Variants in LOC131768270 observed in about 807,000 individuals in gnomAD.
At chr5:140,565,327 C>T in the LOC131768270 span, 3 of 161,702 alleles carry the variant, frequency 1.9e-5, no homozygotes, top group African/African-American at 4.8e-5. Flanking sequence ...CATTCTCAGT[C>T]ACATCCAGTC....
At chr5:140,564,970 G>T in the LOC131768270 span, 1 of 399,438 alleles carries the variant, frequency 2.5e-6, no homozygotes, top group African/African-American at 2.1e-5. This position sits in a 1 kb window ranked among gnomAD's most constrained non-coding sequence, Gnocchi z 5.0. Context: ...GATGTCCCTT[G>T]TTTCTTCTGC....
the LOC131768270 span, chr5:140,567,830 A>G: frequency 1.8e-5 from 29 of 1,614,012 alleles, no homozygotes; most frequent in Admixed American, 3.5e-4. Flanking sequence ...GGCACTTCAG[A>G]ACCTCTTCCT....
the LOC131768270 span, chr5:140,568,137 G>T: frequency 6.2e-7 from 1 of 1,613,758 alleles, no homozygotes; most frequent in Non-Finnish European, 8.5e-7. Flanking sequence ...TACTATGGCA[G>T]CCGCTAGTCC....
At chr5:140,567,297 A>G in the LOC131768270 span, 1 of 1,614,072 alleles carries the variant, frequency 6.2e-7, no homozygotes, top group African/African-American at 1.3e-5. Context: ...TGCCATGTGG[A>G]CGGCCGAGTG....
At chr5:140,567,911 G>A in the LOC131768270 span, 1 of 1,614,226 alleles carries the variant, frequency 6.2e-7, no homozygotes, top group East Asian at 2.2e-5. Flanking sequence ...CCTCCTGGAA[G>A]GTTTCTCAGG....
At chr5:140,567,534 A>G in the LOC131768270 span, 1 of 1,614,164 alleles carries the variant, frequency 6.2e-7, no homozygotes, top group Non-Finnish European at 8.5e-7. Context: ...AGTAATCTCA[A>G]GATTGGAAGC....
the LOC131768270 span, chr5:140,568,977 C>A: frequency 6.0e-6 from 1 of 167,170 alleles, no homozygotes; most frequent in African/African-American, 2.4e-5. Flanking sequence ...GGAAGCTCTG[C>A]ACAGAGTGAC....
chr5:140,564,896 T>C, the LOC131768270 span: 1 of 404,630 alleles, frequency 2.5e-6, no homozygotes, highest in Non-Finnish European at 4.4e-6. The surrounding 1 kb of genome is among the most constrained non-coding windows in gnomAD (Gnocchi z 5.0). Context: ...CCGGGCGTGG[T>C]CTTCACTCTC....
the LOC131768270 span, chr5:140,569,046 A>G: frequency 1.2e-5 from 2 of 167,216 alleles, no homozygotes. Context: ...TGCATAAGCA[A>G]TAAGATCTTA....
the LOC131768270 span, chr5:140,565,663 A>C: frequency 2.8e-6 from 1 of 360,940 alleles, no homozygotes; most frequent in Admixed American, 4.7e-5. Flanking sequence ...TTACTGGTTC[A>C]GATCCCATCT....
At chr5:140,567,199 C>G in the LOC131768270 span, 1 of 1,614,122 alleles carries the variant, frequency 6.2e-7, no homozygotes, top group African/African-American at 1.3e-5. Flanking sequence ...GTATGCCAGG[C>G]CTGGGCCGTC....
the LOC131768270 span, chr5:140,566,069 T>C: frequency 2.5e-6 from 1 of 397,358 alleles, no homozygotes; most frequent in South Asian, 1.4e-4. Flanking sequence ...AGCAAGTGAT[T>C]ATTGAGGGCC....
the LOC131768270 span, chr5:140,566,119 C>T: frequency 2.5e-6 from 1 of 395,702 alleles, no homozygotes; most frequent in Non-Finnish European, 4.4e-6. Context: ...CTGAATGGCA[C>T]ATGAACTAAT....
At chr5:140,566,787 G>T in the LOC131768270 span, 14 of 599,726 alleles carry the variant, frequency 2.3e-5, no homozygotes, top group Non-Finnish European at 3.9e-5. Context: ...GAAGAGGCAG[G>T]ATGAGCAGCT....
the LOC131768270 span, chr5:140,566,852 A>C: frequency 1.6e-6 from 1 of 607,582 alleles, no homozygotes; most frequent in Non-Finnish European, 2.9e-6. Flanking sequence ...TCCATTTGCT[A>C]TCTCCAACTT....
the LOC131768270 span, chr5:140,568,695 C>T: frequency 5.7e-6 from 1 of 176,882 alleles, no homozygotes; most frequent in Non-Finnish European, 1.3e-5. Flanking sequence ...CCTCCAGTTC[C>T]AGCAATGCCT....
chr5:140,566,451 G>A, the LOC131768270 span: 6 of 399,016 alleles, frequency 1.5e-5, no homozygotes, highest in East Asian at 3.6e-5. Flanking sequence ...AAAATACCAC[G>A]GTTGTCCAGG....
chr5:140,568,009 CT>C, the LOC131768270 span: 2 of 1,613,990 alleles, frequency 1.2e-6, no homozygotes, highest in Non-Finnish European at 1.7e-6. Flanking sequence ...TCACACGCCT[CT>C]TTGTGGTGTC....
At chr5:140,567,852 G>T in the LOC131768270 span, 3 of 1,614,150 alleles carry the variant, frequency 1.9e-6, no homozygotes, top group South Asian at 2.2e-5. Context: ...TACACTTTTG[G>T]TGTGCTTCTG....
Sources: allele counts gnomAD v4.1 joint callset, GRCh38; gene constraint gnomAD v4.1.1; non-coding constraint Gnocchi (gnomAD v3.1); transcripts MANE v1.5.